The following MMS19 variants were observed in gnomAD, a reference collection of about 807,000 sequenced individuals.
The protein encoded by MMS19 is MMS19 cytosolic iron-sulfur assembly component, also known as MMS19 nucleotide excision repair protein homolog.
Under a neutral mutation model 129.8 loss-of-function variants are expected in MMS19, and 77 were observed. The ratio of observed to expected loss-of-function variants is 0.59; its 90% confidence interval spans 0.49 to 0.72. MMS19 has a LOEUF of 0.72. Ranked by LOEUF, MMS19 falls within the 30% of genes least tolerant of loss-of-function variation. The probability of loss-of-function intolerance (pLI) is 0.00; values close to 1 mark genes in which losing one functional copy is unlikely to be tolerated. For missense variants in MMS19, 1,168 were observed against 1,266.3 expected (o/e 0.92, Z 1.18); for synonymous variants, 491 against 502.8 (o/e 0.98, Z 0.31).
intron 1 of MMS19, among the ~76,000 whole-genome samples, chr10:97,484,734 G>A (rs1169333098): frequency 2.0e-5 from 3 of 152,136 alleles, no homozygotes; most frequent in Admixed American, 6.5e-5. Flanking sequence ...TGGCTAACAC[G>A]GTGAAACCCT....
At chr10:97,473,097 G>A (rs367657046) in intron 8 of MMS19, among the ~76,000 whole-genome samples, 9 of 151,520 alleles carry the variant, frequency 5.9e-5, no homozygotes, top group Middle Eastern at 6.9e-3. Flanking sequence ...GTGCAATGGC[G>A]TGATCTCGGC....
At chr10:97,461,034 A>T (rs781190166) in intron 23 of MMS19, 27 bp from the exon 24 acceptor site, 57 of 1,511,510 alleles carry the variant, frequency 3.8e-5, no homozygotes, top group Non-Finnish European at 4.8e-5. Context: ...AAATGCTGAC[A>T]TAAAGGCTAC....
chr10:97,477,480 G>A (rs1330031588), intron 5 of MMS19, 64 bp from the exon 6 acceptor site: 1 of 1,609,082 alleles, frequency 6.2e-7, no homozygotes, highest in Non-Finnish European at 8.5e-7. Flanking sequence ...GACACAGCTA[G>A]TTCCTGCTTC....
In MMS19 at chr10:97,470,772, C is replaced by T. The variant is rs1564647521; in HGVS notation, c.771+3G>A. On this transcript the variant is annotated splice_donor_region_variant and intron_variant, in intron 9 of 30. Transcript: ENST00000438925. The stretch of plus-strand genomic sequence containing the variant: ...TATATACCCTAACCTTGGCTAGACC[C>T]ACCTCAGCAAATCGTGGTGTAGAAG... 2 of 1,607,844 alleles carry T rather than the reference C, an allele frequency of 1.2e-6. No individual in the cohort carries two copies. The highest frequency in any genetic ancestry group is 1.7e-4 in the Middle Eastern group (1 of 6,052).
intron 20 of MMS19, among the ~76,000 whole-genome samples, 172 bp downstream of exon 20, chr10:97,462,411 A>G (rs2032235781): frequency 6.6e-6 from 1 of 152,228 alleles, no homozygotes. Context: ...CTCATAGTCC[A>G]TGGTGCTAAG....
At position 97,459,223 on chromosome 10, in the gene MMS19, C is replaced by T. The variant is rs371554510; in HGVS notation, c.2964G>A (p.Val988=). The T allele has an allele frequency of 1.2e-6, 2 of 1,610,974 alleles. No homozygotes were observed. Among genetic ancestry groups the T allele is most frequent in the African/African-American group, 1.3e-5 (1 of 74,822 alleles). The part of the protein sequence containing the change: ...MHALTRLPTP[V]LLPYKPQVIR... ...AGGGAAGGACACCTGAGGTACTTACCACAGGGGTGGGCAGGCGAGTGAGAG... is the reference window on the plus strand; with the variant it reads ...AGGGAAGGACACCTGAGGTACTTACTACAGGGGTGGGCAGGCGAGTGAGAG... Residue 988 remains valine (V), a splice_region_variant and synonymous_variant, in exon 29 of 31, where the codon GTG becomes GTA. Coordinates refer to ENST00000438925, the MANE Select transcript of MMS19 (RefSeq NM_022362.5).
intron 1 of MMS19, 118 bp from the exon 2 acceptor site, chr10:97,484,269 T>C (rs2037410871): frequency 3.2e-6 from 2 of 615,500 alleles, no homozygotes; most frequent in Non-Finnish European, 5.4e-6. Flanking sequence ...GGGCCCACTA[T>C]ATTTGCCAAG....
At chr10:97,467,044 T>C (rs2133381025) in intron 14 of MMS19, 143 bp from the exon 15 acceptor site, 1 of 864,376 alleles carries the variant, frequency 1.2e-6, no homozygotes, top group Non-Finnish European at 1.8e-6. Context: ...AGTGGCGTAA[T>C]CTCGGATCAC....
rs1171948613 is a variant in MMS19, at chr10:97,467,556, T to C, written c.1246A>G (p.Met416Val). Residue 416 changes from methionine (M) to valine (V), a missense_variant, in exon 14 of 31, where the codon ATG becomes GTG. By Grantham distance (21) the Met-to-Val change is conservative. This residue lies in a region of MMS19 where 831 missense variants were observed against 910.8 expected (regional missense o/e 0.91). Transcript: ENST00000438925. ...TGCAGCTTCAAGAAACCCAGGAGCATTTCAAGGATTGTCCGCCGCTGGCTG... is the reference window on the plus strand; with the variant it reads ...TGCAGCTTCAAGAAACCCAGGAGCACTTCAAGGATTGTCCGCCGCTGGCTG... ...QSSQRRTILEMLLGFLKLQQK... is the reference protein window; with the variant it reads ...QSSQRRTILEVLLGFLKLQQK... The C allele has an allele frequency of 2.5e-6, 4 of 1,614,024 alleles. No homozygotes were observed. In the South Asian group the frequency reaches 4.4e-5, roughly 18 times the overall value.
Position 97,468,297 on chromosome 10 carries a change from G to C in MMS19, c.1173C>G (p.Ser391Arg), listed in dbSNP as rs2033951969. 1 of 1,610,978 alleles carries C rather than the reference G, an allele frequency of 6.2e-7. No individual in the cohort carries two copies. The highest frequency in any genetic ancestry group is 1.3e-5 in the African/African-American group (1 of 74,936). ...ASARACDSVT[S>R]NVLPLLLEQF... is the part of the protein sequence containing the mutation. ...GTTCCAGCAGTAAAGGCAGTACATT[G>C]CTGGTGACAGAGTCACAGGCCCGGG... The change falls in exon 13 of 31, where the codon AGC (serine) becomes AGG (arginine). Residue 391 changes from serine (S) to arginine (R), a missense_variant. This residue lies in a region of MMS19 where 831 missense variants were observed against 910.8 expected (regional missense o/e 0.91). Coordinates refer to ENST00000438925, the MANE Select transcript of MMS19 (RefSeq NM_022362.5).
In MMS19 at chr10:97,462,613, A is replaced by C; in HGVS notation, c.1982T>G (p.Ile661Ser). Residue 661 changes from isoleucine (I) to serine (S), a missense_variant, in exon 20 of 31, where the codon ATT becomes AGT. By Grantham distance (142) the Ile-to-Ser change is moderately radical. This residue lies in a region of MMS19 where 831 missense variants were observed against 910.8 expected (regional missense o/e 0.91). Coordinates refer to ENST00000438925, the MANE Select transcript of MMS19 (RefSeq NM_022362.5). ...GCTCAGGTGGGTTGTAGCAGTGCCA[A>C]TGACAGACACCATGGCAGCCAACAC... ...DEVLAAMVSVIGTATTHLSPE... is the reference protein window; with the variant it reads ...DEVLAAMVSVSGTATTHLSPE... 6.2e-7 allele frequency: 1 copy of C among 1,613,924 alleles called. No individual in the cohort carries two copies.
At chr10:97,461,069 G>T in intron 23 of MMS19, 62 bp from the exon 24 acceptor site, 1 of 1,345,048 alleles carries the variant, frequency 7.4e-7, no homozygotes, top group Non-Finnish European at 1.0e-6. Flanking sequence ...GCAATGAAAT[G>T]CAAATCACTT....
At chr10:97,481,246 A>C (rs952307792) in intron 2 of MMS19, among the ~76,000 whole-genome samples, 2 of 152,180 alleles carry the variant, frequency 1.3e-5, no homozygotes, top group Non-Finnish European at 2.9e-5. Flanking sequence ...AGCGATCCTC[A>C]GACTGAAGTG....
At position 97,475,088 on chromosome 10, in the gene MMS19, TATTC is replaced by T. The variant is rs29001295; in HGVS notation, c.684+1591_684+1594del. On this transcript the variant is annotated intron_variant, in intron 8 of 30. Coordinates refer to ENST00000438925, the MANE Select transcript of MMS19 (RefSeq NM_022362.5). ...ACAATCCACAGAGGACTAGTGAAAT[TATTC>T]ATTATTTCCGGCCAAAGGAATATTA... Among the ~76,000 whole-genome samples the T allele has an allele frequency of 6.5e-3, 989 of 152,310 alleles. 11 individuals carry two copies. The highest frequency in any genetic ancestry group is 0.022 in the African/African-American group (932 of 41,564).
chr10:97,482,941 T>A (rs1452859933), intron 2 of MMS19, among the ~76,000 whole-genome samples: 1 of 151,966 alleles, frequency 6.6e-6, no homozygotes, highest in African/African-American at 2.4e-5. Context: ...TTTGTATTTT[T>A]AGTAGAGATG....
chr10:97,481,643 C>A (rs1424208441), intron 2 of MMS19, among the ~76,000 whole-genome samples: 2 of 152,038 alleles, frequency 1.3e-5, no homozygotes, highest in African/African-American at 4.8e-5. Flanking sequence ...AGAAGCTGGA[C>A]TGAAGCAACA....
chr10:97,472,548 G>A (rs1030215002), intron 8 of MMS19, among the ~76,000 whole-genome samples: 3 of 151,990 alleles, frequency 2.0e-5, no homozygotes, highest in East Asian at 1.9e-4. Context: ...CCAATAACTA[G>A]ATTTAAATGT....
intron 1 of MMS19, among the ~76,000 whole-genome samples, chr10:97,496,055 A>G (rs1484705240): frequency 2.0e-5 from 3 of 152,264 alleles, no homozygotes; most frequent in African/African-American, 4.8e-5. Flanking sequence ...TGTTGGCATT[A>G]CAGGCGTGAG....
intron 3 of MMS19, chr10:97,480,240 C>T (rs1260690145): frequency 6.4e-6 from 3 of 466,404 alleles, no homozygotes; most frequent in Non-Finnish European, 1.3e-5. Flanking sequence ...GGATATATTA[C>T]CTAGCTGGTA....
Sources: allele counts gnomAD v4.1 joint callset (sites outside exome capture counted in the v4.1 genomes callset), GRCh38; gene constraint gnomAD v4.1.1; regional missense constraint gnomAD v4.1.1; transcripts MANE v1.5; gene names NCBI Gene and HGNC (gene_info 2026-07-23, HGNC 2026-07-21).